FMN2: variants seen among roughly 807,000 people sequenced by gnomAD.
FMN2 encodes the protein formin 2.
In FMN2, 51 loss-of-function variants were observed where a neutral mutation model predicts 142.3. That is an observed-to-expected ratio of 0.36 (90% CI 0.29 to 0.45). The LOEUF (loss-of-function observed/expected upper bound fraction) is 0.45, where lower values mean the gene tolerates loss of function less well. FMN2 is among the 20% of genes least tolerant of loss of function. The pLI, the probability that FMN2 is intolerant of heterozygous loss-of-function variation, is 1.00. For synonymous variants in FMN2, 882 were observed against 869.8 expected, an observed-to-expected ratio of 1.01 and a Z score of -0.25; for missense variants, 1,936 against 2,122.8, an observed-to-expected ratio of 0.91 and a Z score of 1.73.
chr1:240,265,919 T>TG (rs1175457391), intron 7 of FMN2, among the ~76,000 whole-genome samples: 2 of 149,690 alleles, frequency 1.3e-5, no homozygotes, highest in South Asian at 2.2e-4. Context: ...AGGGGTTTGT[T>TG]TTTTTTTTTT....
chr1:240,445,593 G>T (rs2103196311), intron 16 of FMN2, among the ~76,000 whole-genome samples: 1 of 152,256 alleles, frequency 6.6e-6, no homozygotes, highest in Non-Finnish European at 1.5e-5. Flanking sequence ...GAAAGATGGG[G>T]GCCATGCAAT....
chr1:240,331,386 G>T (rs1396693737), intron 11 of FMN2, among the ~76,000 whole-genome samples: 1 of 152,080 alleles, frequency 6.6e-6, no homozygotes, highest in Admixed American at 6.6e-5. Flanking sequence ...GAAATATGAG[G>T]TTAGGAATGA....
At chr1:240,250,330 T>C (rs1404751934) in intron 6 of FMN2, among the ~76,000 whole-genome samples, 1 of 152,172 alleles carries the variant, frequency 6.6e-6, no homozygotes, top group Non-Finnish European at 1.5e-5. Context: ...ATGCTTTTTC[T>C]GTGTCCATTG....
chr1:240,172,188 TTACACA>T (rs1350830228), intron 2 of FMN2, among the ~76,000 whole-genome samples: 2 of 118,256 alleles, frequency 1.7e-5, no homozygotes, highest in South Asian at 3.0e-4. Flanking sequence ...TTGTGAAATA[TTACACA>T]TACACATACA....
intron 15 of FMN2, among the ~76,000 whole-genome samples, chr1:240,393,397 C>T (rs73128213): frequency 5.4e-4 from 82 of 152,254 alleles, no homozygotes; most frequent in African/African-American, 1.9e-3. Context: ...CATGACCTGA[C>T]CCATATAAGA....
In FMN2 at chr1:240,226,546, GA is replaced by G. The variant is rs553287254; in HGVS notation, c.4065+15313del. ...AGAAACAGTAAAGAAAGTTCAAGTT[GA>G]ACGAAAATGATATGGTAATTTGAGA... On this transcript the variant is annotated intron_variant, in intron 6 of 17. Transcript: ENST00000319653. 2.7e-3 allele frequency among the ~76,000 whole-genome samples: 410 copies of G among 152,256 alleles called. 2 individuals carry two copies. The South Asian group carries it at 0.027, about 10-fold the overall frequency.
chr1:240,297,494 G>T (rs747318252), intron 8 of FMN2, among the ~76,000 whole-genome samples: 41 of 150,458 alleles, frequency 2.7e-4, no homozygotes, highest in Non-Finnish European at 5.3e-4. Flanking sequence ...TACTCGGGAG[G>T]CTAAGGCAGG....
intron 3 of FMN2, among the ~76,000 whole-genome samples, chr1:240,182,298 CTG>C (rs1458130875): frequency 6.6e-6 from 1 of 152,140 alleles, no homozygotes; most frequent in Non-Finnish European, 1.5e-5. Context: ...GTCGTTTCCT[CTG>C]TGGAAAATTA....
intron 7 of FMN2, among the ~76,000 whole-genome samples, chr1:240,285,548 C>A (rs1243367883): frequency 1.3e-5 from 2 of 151,520 alleles, no homozygotes; most frequent in Non-Finnish European, 2.9e-5. Context: ...CAGTAGTGAG[C>A]CCTAGGACAT....
intron 6 of FMN2, among the ~76,000 whole-genome samples, chr1:240,215,252 T>C (rs540373041): frequency 6.6e-6 from 1 of 152,230 alleles, no homozygotes; most frequent in Admixed American, 6.5e-5. Context: ...ATAATAACCA[T>C]GGAAACCACA....
chr1:240,106,403 T>C (rs184748893), intron 1 of FMN2, among the ~76,000 whole-genome samples: 1 of 152,226 alleles, frequency 6.6e-6, no homozygotes, highest in South Asian at 2.1e-4. Context: ...AATTTCATAT[T>C]GTCTTTTAAA....
chr1:240,454,249 T>A (rs763114927), intron 16 of FMN2, among the ~76,000 whole-genome samples: 1 of 152,102 alleles, frequency 6.6e-6, no homozygotes, highest in Non-Finnish European at 1.5e-5. Flanking sequence ...TTCATTAAGA[T>A]ATGGCTTTGG....
chr1:240,188,362 A>G lies in FMN2; in HGVS notation c.1986+100A>G, dbSNP rs1665568913. 1.4e-5 allele frequency: 18 copies of G among 1,262,676 alleles called. No individual in the cohort carries two copies. In the South Asian group the frequency reaches 2.3e-4, roughly 16 times the overall value. The allele number at this position is 1,262,676 out of a possible 1,614,324, so 78.2% of individuals were successfully genotyped here. A position where few individuals can be genotyped will look rare whatever the true frequency, so the allele number is the denominator to read the frequency against. On this transcript the variant is annotated intron_variant, in intron 4 of 17. Transcript: ENST00000319653. ...TATCTTTCCATCTGCCCGGCTGGCT[A>G]GGATGCCCTTGTTTTCCCTAAGCCT...
At chr1:240,290,380 G>T (rs6693097) in intron 7 of FMN2, among the ~76,000 whole-genome samples, 20,667 of 152,110 alleles carry the variant, frequency 0.14, 1,518 homozygotes, top group African/African-American at 0.19. Flanking sequence ...GATGAGAATA[G>T]CTATTGTGAA....
At chr1:240,172,201 T>C (rs1935249) in intron 2 of FMN2, among the ~76,000 whole-genome samples, 9 of 147,222 alleles carry the variant, frequency 6.1e-5, no homozygotes, top group Middle Eastern at 3.4e-3. Flanking sequence ...CACATACACA[T>C]ACACACACAC....
intron 2 of FMN2, among the ~76,000 whole-genome samples, chr1:240,124,354 GT>G (rs2103221700): frequency 6.6e-6 from 1 of 152,246 alleles, no homozygotes; most frequent in Admixed American, 6.5e-5. Context: ...ACTCATGTTT[GT>G]GTGAAGTACG....
intron 8 of FMN2, among the ~76,000 whole-genome samples, chr1:240,296,603 G>T (rs1413950303): frequency 3.3e-5 from 5 of 151,778 alleles, no homozygotes; most frequent in Non-Finnish European, 5.9e-5. Flanking sequence ...TGGGCAGGAT[G>T]CAGACTCTGT....
At chr1:240,137,630 T>C (rs376859375) in intron 2 of FMN2, among the ~76,000 whole-genome samples, 1 of 152,210 alleles carries the variant, frequency 6.6e-6, no homozygotes, top group South Asian at 2.1e-4. Context: ...ATAGGGCCTT[T>C]TCTTGTTCTT....
chr1:240,430,415 ATC>A (rs1675123455), intron 15 of FMN2, among the ~76,000 whole-genome samples: 1 of 152,156 alleles, frequency 6.6e-6, no homozygotes, highest in South Asian at 2.1e-4. Flanking sequence ...GTGAGACTTT[ATC>A]AAGTCTTTTT....
Sources: allele counts gnomAD v4.1 joint callset (sites outside exome capture counted in the v4.1 genomes callset), GRCh38; gene constraint gnomAD v4.1.1; transcripts MANE v1.5; gene names NCBI Gene and HGNC (gene_info 2026-07-23, HGNC 2026-07-21).